The following SLC25A27 variants were observed in gnomAD, a reference collection of about 807,000 sequenced individuals.
SLC25A27 encodes solute carrier family 25 member 27.
Under a neutral mutation model 49.1 loss-of-function variants are expected in SLC25A27, and 35 were observed. That is an observed-to-expected ratio of 0.71 (90% CI 0.54 to 0.95). The LOEUF (loss-of-function observed/expected upper bound fraction) is 0.95, where lower values mean the gene tolerates loss of function less well. SLC25A27 is among the 40% of genes least tolerant of loss of function. The pLI is 0.00. For synonymous variants in SLC25A27, 144 were observed against 136.9 expected (o/e 1.05, Z -0.36); for missense variants, 339 against 397.1 (o/e 0.85, Z 1.24).
At chr6:46,664,713 C>T in intron 4 of SLC25A27, 61 bp from the exon 5 acceptor site, 1 of 801,922 alleles carries the variant, frequency 1.2e-6, no homozygotes, top group Non-Finnish European at 2.0e-6. Flanking sequence ...GAAGCTTATC[C>T]AGTTGAATTT....
chr6:46,656,112 A>T (rs1318865183), intron 2 of SLC25A27, 78 bp downstream of exon 2: 15 of 1,260,216 alleles, frequency 1.2e-5, no homozygotes, highest in Non-Finnish European at 9.9e-6. Flanking sequence ...TTGTCCAAAA[A>T]CAAGTTAGTT....
In SLC25A27 at chr6:46,675,904, T is replaced by G. The variant is rs190984824; in HGVS notation, c.901-479T>G. Among the ~76,000 whole-genome samples, 8 of 152,304 alleles carry G rather than the reference T, an allele frequency of 5.3e-5. No homozygotes were observed. In the East Asian group the frequency reaches 1.5e-3, roughly 29 times the overall value. ...GTTGGTTTTATGACCTAAATCTCCATGGATAATCTTTCACCTTCCTCACTT... is the reference window on the plus strand; with the variant it reads ...GTTGGTTTTATGACCTAAATCTCCAGGGATAATCTTTCACCTTCCTCACTT... On this transcript the variant is annotated intron_variant, in intron 8 of 8. Coordinates refer to ENST00000371347, the MANE Select transcript of SLC25A27 (RefSeq NM_004277.5).
intron 1 of SLC25A27, among the ~76,000 whole-genome samples, 159 bp from the exon 2 acceptor site, chr6:46,655,684 C>T (rs1052664141): frequency 9.3e-5 from 14 of 151,022 alleles, no homozygotes; most frequent in Non-Finnish European, 1.6e-4. Context: ...GGGCACGGGG[C>T]TAGGAAATTT....
rs771586938 is a variant in SLC25A27 at position 46,653,291 on chromosome 6, C to T, written c.99C>T (p.Ala33=). The change falls in exon 1 of 9, where the codon GCC becomes GCT. Residue 33 remains alanine (A), a synonymous_variant. Coordinates refer to ENST00000371347, the MANE Select transcript of SLC25A27 (RefSeq NM_004277.5). ...FLLSGCAATV[A]ELATFPLDLT... ...TGTCCGGCTGCGCGGCTACCGTGGC[C>T]GAGCTAGGTACCCGGCTGCCCACGC... 8 of 1,612,104 alleles carry T rather than the reference C, an allele frequency of 5.0e-6. No individual in the cohort carries two copies. The highest frequency in any genetic ancestry group is 3.3e-4 in the Middle Eastern group (2 of 6,056).
At chr6:46,670,764 T>G (rs1562041577) in intron 7 of SLC25A27, among the ~76,000 whole-genome samples, 1 of 151,946 alleles carries the variant, frequency 6.6e-6, no homozygotes, top group Non-Finnish European at 1.5e-5. Flanking sequence ...TGAGACAGAG[T>G]CTCACTCTGT....
rs1763870514 is a variant in SLC25A27, at chr6:46,678,117, G to C, written c.*1663G>C. 1 of 141,388 alleles carries C rather than the reference G, an allele frequency of 7.1e-6. No homozygotes were observed. The allele number at this position is 141,388 out of a possible 1,614,324, so 8.8% of individuals were successfully genotyped here. ...GAACCACTTAGGGAAAATTTTGTTT[G>C]TTTTTATGTTTTGTAATTTTTAAAA... On this transcript the variant is annotated 3_prime_UTR_variant, in exon 9 of 9. Coordinates refer to ENST00000371347, the MANE Select transcript of SLC25A27 (RefSeq NM_004277.5).
chr6:46,665,888 T>C (rs1216709738), intron 5 of SLC25A27, among the ~76,000 whole-genome samples: 1 of 152,190 alleles, frequency 6.6e-6, no homozygotes, highest in Non-Finnish European at 1.5e-5. Context: ...ACATTATTGG[T>C]GTCCCTAAAA....
intron 4 of SLC25A27, among the ~76,000 whole-genome samples, chr6:46,662,864 TG>T (rs2150641423): frequency 6.6e-6 from 1 of 152,330 alleles, no homozygotes; most frequent in South Asian, 2.1e-4. Flanking sequence ...TCTGGTCTCT[TG>T]GGTTTTCATC....
In SLC25A27 at chr6:46,653,189, C is replaced by T. The variant is rs1040252549; in HGVS notation, c.-4C>T. The T allele has an allele frequency of 1.9e-6, 3 of 1,612,534 alleles. No homozygotes were observed. In the East Asian group the frequency reaches 6.7e-5, roughly 36 times the overall value. On this transcript the variant is annotated 5_prime_UTR_variant, in exon 1 of 9. Transcript: ENST00000371347. ...AGTGCGTTATCGTCTTGCGCTACTG[C>T]TGAATGTCCGTCCCGGAGGAGGAGG...
chr6:46,654,765 T>A lies in SLC25A27; in HGVS notation c.107-1078T>A, dbSNP rs529064185. 9.2e-5 allele frequency among the ~76,000 whole-genome samples: 14 copies of A among 152,348 alleles called. No homozygotes were observed. In the South Asian group the frequency reaches 2.5e-3, roughly 27 times the overall value. On this transcript the variant is annotated intron_variant, in intron 1 of 8. Coordinates refer to ENST00000371347, the MANE Select transcript of SLC25A27 (RefSeq NM_004277.5). ...AATATTGCTTGAAGTCTATGCAAGC[T>A]ACTTCTGTTCTAGGGAAACTGTCAG...
At chr6:46,657,710 G>T (rs1763033653) in intron 2 of SLC25A27, among the ~76,000 whole-genome samples, 1 of 151,968 alleles carries the variant, frequency 6.6e-6, no homozygotes, top group Admixed American at 6.5e-5. Context: ...CATATTTTTT[G>T]AAAATTAACA....
intron 2 of SLC25A27, chr6:46,658,577 G>T: frequency 4.9e-6 from 2 of 409,600 alleles, no homozygotes; most frequent in South Asian, 1.8e-5. Context: ...CATAGAGCCT[G>T]CCTGGAGAAG....
chr6:46,669,689 G>A (rs180679504), intron 6 of SLC25A27, among the ~76,000 whole-genome samples: 3 of 152,104 alleles, frequency 2.0e-5, no homozygotes, highest in East Asian at 1.9e-4. Flanking sequence ...CTTCCTTCAG[G>A]TCTTCATATA....
rs1033678521 is a variant in SLC25A27 at position 46,676,674 on chromosome 6, C to T, written c.*220C>T. On this transcript the variant is annotated 3_prime_UTR_variant, in exon 9 of 9. Coordinates refer to ENST00000371347, the MANE Select transcript of SLC25A27 (RefSeq NM_004277.5). ...ATCTGGTCGGATCTCACAAGGCCAT[C>T]CAATGAGACCCCGCACAGCATTTTC... is the stretch of plus-strand genomic sequence containing the variant. 4.5e-6 allele frequency: 7 copies of T among 1,550,604 alleles called. No individual in the cohort carries two copies. The highest frequency in any genetic ancestry group is 1.7e-6 in the Non-Finnish European group (2 of 1,146,948).
At chr6:46,665,512 C>T (rs1386269967) in intron 5 of SLC25A27, among the ~76,000 whole-genome samples, 4 of 151,946 alleles carry the variant, frequency 2.6e-5, no homozygotes, top group East Asian at 3.9e-4. Flanking sequence ...GGTGAAACCC[C>T]GTCTCTACTA....
chr6:46,668,441 A>C (rs1763393991), intron 5 of SLC25A27, among the ~76,000 whole-genome samples: 1 of 152,316 alleles, frequency 6.6e-6, no homozygotes, highest in South Asian at 2.1e-4. Flanking sequence ...TGGCTAAAAA[A>C]GTAATTTATT....
intron 8 of SLC25A27, among the ~76,000 whole-genome samples, chr6:46,673,889 C>T (rs761154808): frequency 1.6e-4 from 24 of 152,076 alleles, no homozygotes; most frequent in African/African-American, 4.8e-5. Flanking sequence ...GAAGTTCTAG[C>T]AATGATCTAA....
In SLC25A27 at chr6:46,670,240, T is replaced by A; in HGVS notation, c.797+13T>A. On this transcript the variant is annotated intron_variant, in intron 7 of 8. Coordinates refer to ENST00000371347, the MANE Select transcript of SLC25A27 (RefSeq NM_004277.5). ...ATAAACAAGGAAGGTAGATAAAAAG[T>A]CTTCAGTATCCATGTGCTTGAATAT... 1.3e-6 allele frequency: 2 copies of A among 1,545,252 alleles called. No individual in the cohort carries two copies. Among genetic ancestry groups the A allele is most frequent in the Non-Finnish European group, 1.8e-6 (2 of 1,119,216 alleles).
Position 46,655,983 on chromosome 6 carries a change from G to C in SLC25A27, c.247G>C (p.Gly83Arg). Residue 83 changes from glycine to arginine, a missense_variant, in exon 2 of 9, where the codon GGC (glycine) becomes CGC (arginine). Coordinates refer to ENST00000371347, the MANE Select transcript of SLC25A27 (RefSeq NM_004277.5). ...RTALGIIEEE[G>R]FLKLWQGVTP... ...AGCTCTAGGGATCATTGAAGAGGAA[G>C]GCTTTCTAAAGCTTTGGCAAGGAGT... 1 of 1,612,500 alleles carries C rather than the reference G, an allele frequency of 6.2e-7. No homozygotes were observed. The highest frequency in any genetic ancestry group is 8.5e-7 in the Non-Finnish European group (1 of 1,179,388).
Sources: gnomAD v4.1 joint callset for allele counts (sites outside exome capture counted in the v4.1 genomes callset) on GRCh38, gnomAD v4.1.1 for gene constraint, MANE v1.5 for transcripts, NCBI Gene and HGNC (gene_info 2026-07-23, HGNC 2026-07-21) for gene names.